The following GK variants were observed in gnomAD, a reference collection of about 807,000 sequenced individuals.
The protein encoded by GK is ATP:glycerol 3-phosphotransferase.
A neutral mutation model predicts 56.4 loss-of-function variants in GK; 9 were observed. The observed-to-expected ratio is 0.16, with a 90% confidence interval of 0.10 to 0.28. The LOEUF (loss-of-function observed/expected upper bound fraction) is 0.28. GK is among the 10% of genes least tolerant of loss of function. GK has a pLI of 1.00. For synonymous variants in GK, 104 were observed against 144.1 expected (o/e 0.72, Z 1.99); for missense variants, 161 against 431.4 (o/e 0.37, Z 5.55).
chrX:30,699,218 T>A (rs1326642366), intron 9 of GK, among the ~76,000 whole-genome samples: 1 of 99,337 alleles, frequency 1.0e-5, no homozygotes, highest in Non-Finnish European at 2.0e-5. Context: ...TATATATACA[T>A]GTTATATATA....
At chrX:30,682,635 T>C (rs1162837092) in intron 4 of GK, among the ~76,000 whole-genome samples, 1 of 112,432 alleles carries the variant, frequency 8.9e-6, no homozygotes, top group Non-Finnish European at 1.9e-5. Context: ...GTAGGATGGA[T>C]GGAAACAATG....
chrX:30,674,683 T>A (rs1037013677), intron 3 of GK, among the ~76,000 whole-genome samples: 7 of 110,967 alleles, frequency 6.3e-5, no homozygotes, highest in African/African-American at 2.0e-4. Flanking sequence ...TTAAAAAATA[T>A]ATATATATAT....
rs1409209100 is a variant in GK, at chrX:30,719,486, T to C, written c.1122T>C (p.Tyr374=). Residue 374 remains tyrosine (Y), a synonymous_variant, in exon 15 of 21, where the codon TAT becomes TAC. Coordinates refer to ENST00000427190, the MANE Select transcript of GK (RefSeq NM_001205019.2). ...TCGTCCCAGCATTTTCGGGGTTATA[T>C]GCACCTTATTGGGAGCCCAGCGCAA... The part of the protein sequence containing the change: ...CYFVPAFSGL[Y]APYWEPSARG... 3 of 1,176,409 alleles carry C rather than the reference T, an allele frequency of 2.6e-6. No homozygotes were observed. Among genetic ancestry groups the C allele is most frequent in the Non-Finnish European group, 3.5e-6 (3 of 864,926 alleles).
chrX:30,712,726 T>C (rs1461121540), intron 13 of GK, among the ~76,000 whole-genome samples: 1 of 75,777 alleles, frequency 1.3e-5, no homozygotes, highest in African/African-American at 4.6e-5. Context: ...TCTTTTTTTT[T>C]TTTTTTTTTT....
At position 30,730,447 on chromosome X, in the gene GK, A is replaced by G. The variant is rs1248980024; in HGVS notation, c.*1705A>G. Reference sequence around the variant, plus strand: ...TTTTAAACATAAATGTTTCTACAAAAGTAGGTTGAGTTCATTGTAAATAAT... The same window carrying G: ...TTTTAAACATAAATGTTTCTACAAAGGTAGGTTGAGTTCATTGTAAATAAT... On this transcript the variant is annotated 3_prime_UTR_variant, in exon 21 of 21. Coordinates refer to ENST00000427190, the MANE Select transcript of GK (RefSeq NM_001205019.2). 1.8e-5 allele frequency: 2 copies of G among 112,083 alleles called. No homozygotes were observed. The highest frequency in any genetic ancestry group is 9.6e-5 in the Admixed American group (1 of 10,452). 9.2% of individuals were successfully genotyped at this position (112,083 alleles called of 1,213,427 possible). A position where few individuals can be genotyped will look rare whatever the true frequency, so the allele number is the denominator to read the frequency against.
intron 1 of GK, among the ~76,000 whole-genome samples, chrX:30,660,959 C>T (rs759713596): frequency 9.2e-6 from 1 of 109,148 alleles, no homozygotes; most frequent in East Asian, 2.9e-4. Context: ...ATTACAGGTG[C>T]GTGCCACCAT....
chrX:30,665,117 C>A (rs1932985542), intron 1 of GK, among the ~76,000 whole-genome samples: 1 of 111,741 alleles, frequency 8.9e-6, no homozygotes, highest in African/African-American at 3.2e-5. Context: ...TTTCCACGTC[C>A]AAGATAAATG....
chrX:30,685,347 A>G (rs1204616961), intron 4 of GK, among the ~76,000 whole-genome samples: 1 of 111,119 alleles, frequency 9.0e-6, no homozygotes, highest in Non-Finnish European at 1.9e-5. Context: ...GTTAGCCAGG[A>G]TGGTCTCGAT....
chrX:30,664,919 G>A (rs1489479623), intron 1 of GK, among the ~76,000 whole-genome samples: 1 of 109,519 alleles, frequency 9.1e-6, no homozygotes, highest in Non-Finnish European at 1.9e-5. Flanking sequence ...TGGCCAGTCT[G>A]GTCTCAAACT....
At chrX:30,706,651 C>T (rs988434822) in intron 11 of GK, among the ~76,000 whole-genome samples, 1 of 112,301 alleles carries the variant, frequency 8.9e-6, no homozygotes, top group Admixed American at 9.4e-5. Flanking sequence ...GCTGCAGAAT[C>T]CAAAGTTTAT....
chrX:30,682,541 G>A (rs1934337807), intron 4 of GK, among the ~76,000 whole-genome samples: 1 of 112,094 alleles, frequency 8.9e-6, no homozygotes, highest in Admixed American at 9.5e-5. Flanking sequence ...AAACTCTAAA[G>A]TGTCATATCT....
intron 9 of GK, among the ~76,000 whole-genome samples, chrX:30,698,682 C>T (rs1935372489): frequency 1.2e-5 from 1 of 83,667 alleles, no homozygotes; most frequent in East Asian, 3.8e-4. Flanking sequence ...CCAGCCTGGG[C>T]GAGAGGGAGA....
At chrX:30,672,638 A>AC (rs1297528375) in intron 3 of GK, among the ~76,000 whole-genome samples, 8 of 111,144 alleles carry the variant, frequency 7.2e-5, no homozygotes, top group Non-Finnish European at 1.5e-4. Context: ...ACATGGAGAA[A>AC]CCCCATCTCT....
At chrX:30,683,472 A>G (rs1234340822) in intron 4 of GK, among the ~76,000 whole-genome samples, 1 of 111,417 alleles carries the variant, frequency 9.0e-6, no homozygotes, top group East Asian at 2.8e-4. Context: ...ATAAGCAATA[A>G]TTCACTCACC....
At chrX:30,725,913 A>C (rs1165905127) in intron 19 of GK, among the ~76,000 whole-genome samples, 2 of 110,703 alleles carry the variant, frequency 1.8e-5, no homozygotes, top group South Asian at 7.7e-4. Context: ...TCAGCCTCCC[A>C]AAGTGCTGGG....
Position 30,667,886 on chromosome X carries a change from TG to T in GK, c.153-125del, listed in dbSNP as rs1248800091. ...TTTCTTTAAAATGTGGAATGTAATTTGCTTTGCTTAATCTGGTTTTCTTTAA... is the reference window on the plus strand; with the variant it reads ...TTTCTTTAAAATGTGGAATGTAATTTCTTTGCTTAATCTGGTTTTCTTTAA... On this transcript the variant is annotated intron_variant, in intron 2 of 20. Coordinates refer to ENST00000427190, the MANE Select transcript of GK (RefSeq NM_001205019.2). 4.2e-4 allele frequency: 205 copies of T among 489,486 alleles called. 1 individual carries two copies. In the East Asian group the frequency reaches 7.5e-3, roughly 18 times the overall value. The allele number at this position is 489,486 out of a possible 1,213,427, so 40.3% of individuals were successfully genotyped here.
chrX:30,687,657 A>C (rs1319278440), intron 4 of GK: 3 of 340,136 alleles, frequency 8.8e-6, no homozygotes, highest in Non-Finnish European at 1.8e-5. Flanking sequence ...CAGCCTCCCA[A>C]GTCCTATATG....
At chrX:30,723,122 G>A (rs760959621) in intron 18 of GK, among the ~76,000 whole-genome samples, 2 of 112,131 alleles carry the variant, frequency 1.8e-5, no homozygotes, top group African/African-American at 3.2e-5. Context: ...CCTGCGGGGC[G>A]TGGTGGCTCA....
rs570564142 is a variant in GK at position 30,726,962 on chromosome X, G to A, written c.1583-504G>A. Among the ~76,000 whole-genome samples the A allele has an allele frequency of 3.6e-5, 4 of 112,130 alleles. No individual in the cohort carries two copies. The South Asian group carries it at 1.5e-3, about 41-fold the overall frequency. ...ATGTGTTTAAAATGTATTGTCAGGTGCATTTTGTTACGCACCAAATTCTAT... is the reference window on the plus strand; with the variant it reads ...ATGTGTTTAAAATGTATTGTCAGGTACATTTTGTTACGCACCAAATTCTAT... On this transcript the variant is annotated intron_variant, in intron 19 of 20. Transcript: ENST00000427190.
Sources: gnomAD v4.1 joint callset for allele counts (sites outside exome capture counted in the v4.1 genomes callset) on GRCh38, gnomAD v4.1.1 for gene constraint, MANE v1.5 for transcripts, NCBI Gene and HGNC (gene_info 2026-07-23, HGNC 2026-07-21) for gene names.